The following XPNPEP3 variants were observed in gnomAD, a reference collection of about 807,000 sequenced individuals.
XPNPEP3 encodes the protein xaa-Pro aminopeptidase 3.
A neutral mutation model predicts 60.0 loss-of-function variants in XPNPEP3; 41 were observed. The observed-to-expected ratio is 0.68, with a 90% CI of 0.53 to 0.89. The LOEUF is 0.89. Ranked by LOEUF, XPNPEP3 falls within the 40% of genes least tolerant of loss-of-function variation. The probability of loss-of-function intolerance (pLI) is 0.00; values close to 1 mark genes in which losing one functional copy is unlikely to be tolerated. For synonymous variants in XPNPEP3, 212 were observed against 223.2 expected (o/e 0.95, Z 0.45); for missense variants, 598 against 638.9 (o/e 0.94, Z 0.69).
At chr22:40,911,550 T>A (rs2058177337) in intron 6 of XPNPEP3, among the ~76,000 whole-genome samples, 1 of 151,818 alleles carries the variant, frequency 6.6e-6, no homozygotes. Context: ...TGCTTTTTTT[T>A]TTTTTTCAGA....
Position 40,881,822 on chromosome 22 carries a change from A to G in XPNPEP3, c.234A>G (p.Lys78=), listed in dbSNP as rs1440581793. The G allele has an allele frequency of 6.2e-7, 1 of 1,614,100 alleles. No homozygotes were observed. The highest frequency in any genetic ancestry group is 1.1e-5 in the South Asian group (1 of 91,090). Residue 78 remains lysine (K), a synonymous_variant, in exon 3 of 10, where the codon AAA becomes AAG. Transcript: ENST00000357137. ...TGGAATATGCACTTCGCAGACACAA[A>G]CTAATGTCTCTGATCCAGAAGGAAG... ...SQVEYALRRH[K]LMSLIQKEAQ... is the part of the protein sequence containing the mutation.
At chr22:40,918,815 G>T (rs2058205919) in intron 7 of XPNPEP3, among the ~76,000 whole-genome samples, 1 of 150,284 alleles carries the variant, frequency 6.7e-6, no homozygotes, top group Non-Finnish European at 1.5e-5. Context: ...TGTTTTATCT[G>T]ACTGGTATTC....
intron 4 of XPNPEP3, among the ~76,000 whole-genome samples, chr22:40,894,192 G>C (rs74676228): frequency 6.6e-6 from 1 of 152,194 alleles, no homozygotes; most frequent in East Asian, 1.9e-4. Context: ...GCAAGACTCC[G>C]TTTCTTAAGA....
chr22:40,902,416 A>AT (rs1210447379), intron 4 of XPNPEP3, among the ~76,000 whole-genome samples: 1 of 151,760 alleles, frequency 6.6e-6, no homozygotes, highest in Non-Finnish European at 1.5e-5. Flanking sequence ...CGCCCAGCTA[A>AT]TTTTTTTGTA....
In XPNPEP3 at chr22:40,862,001, A is replaced by G. The variant is rs759172510; in HGVS notation, c.64+4756A>G. ...CTTCATAGTAATCCACCATGTTTTA[A>G]CAGATAGTTGGAAGTGGGTGTGCTG... On this transcript the variant is annotated intron_variant, in intron 1 of 9. Transcript: ENST00000357137. The G allele has an allele frequency of 1.4e-5, 22 of 1,576,954 alleles. No individual in the cohort carries two copies. In the East Asian group the frequency reaches 4.7e-4, roughly 34 times the overall value.
Position 40,927,838 on chromosome 22 carries a change from G to GCA in XPNPEP3, c.*1405_*1406dup. 7.1e-6 allele frequency: 1 copy of GCA among 139,946 alleles called. No homozygotes were observed. Among genetic ancestry groups the GCA allele is most frequent in the Non-Finnish European group, 1.5e-5 (1 of 66,512 alleles). 8.7% of individuals were successfully genotyped at this position (139,946 alleles called of 1,614,324 possible). ...TGCAGTGAGCCAAGATCGCGCCACT[G>GCA]CACTCCAGCCTGGGTGACAGAGCGA... On this transcript the variant is annotated 3_prime_UTR_variant, in exon 10 of 10. Coordinates refer to ENST00000357137, the MANE Select transcript of XPNPEP3 (RefSeq NM_022098.4).
intron 3 of XPNPEP3, among the ~76,000 whole-genome samples, chr22:40,886,007 G>C (rs544275322): frequency 2.0e-5 from 3 of 152,192 alleles, no homozygotes; most frequent in Non-Finnish European, 4.4e-5. Context: ...GAGAAAGAGA[G>C]AAAATCAAAG....
chr22:40,864,867 A>G (rs944537254), intron 1 of XPNPEP3, among the ~76,000 whole-genome samples: 1 of 152,230 alleles, frequency 6.6e-6, no homozygotes, highest in Non-Finnish European at 1.5e-5. Context: ...AATGTAGCCC[A>G]GTAGGTCTTA....
At chr22:40,905,121 C>A (rs1019485027) in intron 4 of XPNPEP3, among the ~76,000 whole-genome samples, 12 of 151,108 alleles carry the variant, frequency 7.9e-5, no homozygotes, top group Admixed American at 6.0e-4. Flanking sequence ...CTCTTGTCAC[C>A]CAGGCTGGAG....
chr22:40,864,527 C>T (rs2057967854), intron 1 of XPNPEP3, among the ~76,000 whole-genome samples: 1 of 152,106 alleles, frequency 6.6e-6, no homozygotes, highest in South Asian at 2.1e-4. Flanking sequence ...CTCACTGCAA[C>T]ATCTACCTCC....
rs564725727 is a variant in XPNPEP3, at chr22:40,858,480, G to A, written c.64+1235G>A. ...AGGCACAGAACTCTAAAACGGAGTG[G>A]CCAGCACTAAGCGTTGCAATCGTTT... On this transcript the variant is annotated intron_variant, in intron 1 of 9. Transcript: ENST00000357137. Among the ~76,000 whole-genome samples, 9 of 151,260 alleles carry A rather than the reference G, an allele frequency of 6.0e-5. No individual in the cohort carries two copies. The South Asian group carries it at 1.9e-3, about 32-fold the overall frequency.
intron 2 of XPNPEP3, among the ~76,000 whole-genome samples, chr22:40,880,905 C>T (rs1224320067): frequency 6.6e-6 from 1 of 151,806 alleles, no homozygotes; most frequent in African/African-American, 2.4e-5. Context: ...TTAGGAGTTG[C>T]CAGGGGCTGG....
rs552240787 is a variant in XPNPEP3, at chr22:40,920,357, G to A, written c.1056-1976G>A. Among the ~76,000 whole-genome samples the A allele has an allele frequency of 4.6e-5, 7 of 152,150 alleles. No homozygotes were observed. The East Asian group carries it at 5.8e-4, about 13-fold the overall frequency. Reference sequence around the variant, plus strand: ...TTCACTCCAGCCTGGGTGAAAGAGCGAAACTCCATCTCAAAAAAAGAAAAA... The same window carrying A: ...TTCACTCCAGCCTGGGTGAAAGAGCAAAACTCCATCTCAAAAAAAGAAAAA... On this transcript the variant is annotated intron_variant, in intron 7 of 9. Coordinates refer to ENST00000357137, the MANE Select transcript of XPNPEP3 (RefSeq NM_022098.4).
At chr22:40,920,512 C>T (rs950706068) in intron 7 of XPNPEP3, among the ~76,000 whole-genome samples, 6 of 152,128 alleles carry the variant, frequency 3.9e-5, no homozygotes, top group African/African-American at 1.4e-4. Context: ...AGGCAGAATT[C>T]CTTCTCCAGT....
At position 40,869,049 on chromosome 22, in the gene XPNPEP3, A is replaced by G; in HGVS notation, c.115A>G (p.Arg39Gly). The change falls in exon 2 of 10, where the codon AGG becomes GGG. Residue 39 changes from arginine (R) to glycine (G), a missense_variant. Physicochemically the swap from Arg to Gly is moderately radical, Grantham distance 125 (BLOSUM62 -2). Transcript: ENST00000357137. ...RRYSLQPVPE[R>G]RIPNRYLGQP... is the part of the protein sequence containing the mutation. ...GTACTCCCTTCAGCCTGTCCCAGAA[A>G]GGAGGATTCCAAACCGATACTTAGG... 1 of 1,614,156 alleles carries G rather than the reference A, an allele frequency of 6.2e-7. No individual in the cohort carries two copies. Among genetic ancestry groups the G allele is most frequent in the Non-Finnish European group, 8.5e-7 (1 of 1,180,006 alleles).
intron 8 of XPNPEP3, among the ~76,000 whole-genome samples, chr22:40,923,088 C>T (rs868751352): frequency 2.0e-5 from 3 of 151,934 alleles, no homozygotes; most frequent in South Asian, 2.1e-4. Flanking sequence ...TGGCACACAC[C>T]TCTAGTCTCA....
intron 4 of XPNPEP3, among the ~76,000 whole-genome samples, chr22:40,902,625 C>T (rs1190277647): frequency 2.6e-5 from 4 of 152,122 alleles, no homozygotes; most frequent in Admixed American, 6.5e-5. Flanking sequence ...CCTCGTGATC[C>T]GCCTGCCTCG....
intron 2 of XPNPEP3, among the ~76,000 whole-genome samples, chr22:40,878,590 TC>T (rs1162005183): frequency 6.6e-6 from 1 of 151,958 alleles, no homozygotes; most frequent in Non-Finnish European, 1.5e-5. Context: ...TAAATTTCTT[TC>T]TTTTTTTTTT....
chr22:40,922,262 C>G (rs2058219229), intron 7 of XPNPEP3, 71 bp from the exon 8 acceptor site: 2 of 1,584,248 alleles, frequency 1.3e-6, no homozygotes, highest in Non-Finnish European at 1.7e-6. Flanking sequence ...TTTTTCTAAT[C>G]AAACTTAGTA....
Sources: allele counts gnomAD v4.1 joint callset (sites outside exome capture counted in the v4.1 genomes callset), GRCh38; gene constraint gnomAD v4.1.1; transcripts MANE v1.5; gene names NCBI Gene and HGNC (gene_info 2026-07-23, HGNC 2026-07-21).